SULF1: variants seen among roughly 807,000 people sequenced by gnomAD.
SULF1 encodes extracellular sulfatase Sulf-1.
SULF1 carries 46 observed loss-of-function variants against 110.5 expected under a neutral mutation model. That is an observed-to-expected ratio of 0.42 (90% CI 0.33 to 0.53). SULF1 has a LOEUF of 0.53. SULF1 is among the 20% of genes least tolerant of loss of function. The pLI, the probability that SULF1 is intolerant of heterozygous loss-of-function variation, is 0.12. For synonymous variants in SULF1, 371 were observed against 387.1 expected, an observed-to-expected ratio of 0.96 and a Z score of 0.49; for missense variants, 941 against 1,094.2, an observed-to-expected ratio of 0.86 and a Z score of 1.98.
chr8:69,658,997 C>T lies in SULF1; in HGVS notation c.*462C>T, dbSNP rs1812932433. The T allele has an allele frequency of 2.2e-6, 1 of 457,482 alleles. No homozygotes were observed. Among genetic ancestry groups the T allele is most frequent in the South Asian group, 1.5e-5 (1 of 64,580 alleles). 28.3% of individuals were successfully genotyped at this position (457,482 alleles called of 1,614,324 possible). ...GAAAAATGGACGGGGCATGAAGAGA[C>T]TAATCATCTGGAAACCGATTTCAGT... On this transcript the variant is annotated 3_prime_UTR_variant, in exon 23 of 23. Transcript: ENST00000402687.
intron 6 of SULF1, among the ~76,000 whole-genome samples, chr8:69,582,705 A>G (rs999748512): frequency 1.4e-5 from 2 of 143,156 alleles, no homozygotes; most frequent in African/African-American, 2.5e-5. Context: ...AAAAAAAAAA[A>G]GGAAAGAAAA....
chr8:69,500,415 C>T (rs778807662), intron 2 of SULF1, among the ~76,000 whole-genome samples: 26 of 152,114 alleles, frequency 1.7e-4, no homozygotes, highest in Non-Finnish European at 3.1e-4. Context: ...CCTGGTATTC[C>T]GGCATCTCAT....
Position 69,586,503 on chromosome 8 carries a change from G to T in SULF1, c.559G>T (p.Ala187Ser). ...GIKEKHGFDY[A>S]KDYFTDLITN... Reference sequence around the variant, plus strand: ...CAAAGAAAAGCATGGATTTGATTATGCAAAGGTAATTTTCAGGCACTTTTA... The same window carrying T: ...CAAAGAAAAGCATGGATTTGATTATTCAAAGGTAATTTTCAGGCACTTTTA... Residue 187 changes from alanine to serine, a missense_variant, in exon 7 of 23, where the codon GCA becomes TCA. Around this residue, in one of 3 missense-constraint regions of SULF1, gnomAD observed 822 missense variants for 934.3 expected, o/e 0.88. Coordinates refer to ENST00000402687, the MANE Select transcript of SULF1 (RefSeq NM_001128205.2). 1 of 1,608,996 alleles carries T rather than the reference G, an allele frequency of 6.2e-7. No homozygotes were observed.
At chr8:69,512,114 A>G (rs1563483514) in intron 3 of SULF1, among the ~76,000 whole-genome samples, 1 of 152,204 alleles carries the variant, frequency 6.6e-6, no homozygotes, top group Non-Finnish European at 1.5e-5. Context: ...ACAACACTTT[A>G]TATTTAAAAT....
chr8:69,470,794 C>T (rs924644742), intron 1 of SULF1, among the ~76,000 whole-genome samples: 5 of 152,128 alleles, frequency 3.3e-5, no homozygotes, highest in East Asian at 1.9e-4. Flanking sequence ...TTATTTGGCC[C>T]GAACTTTCCA....
Position 69,638,748 on chromosome 8 carries a change from T to G in SULF1, c.2441T>G (p.Val814Gly). 6.2e-7 allele frequency: 1 copy of G among 1,614,102 alleles called. No individual in the cohort carries two copies. The highest frequency in any genetic ancestry group is 8.5e-7 in the Non-Finnish European group (1 of 1,180,014). ...NTDPYQLTNT[V>G]HTVERGILNQ... The stretch of plus-strand genomic sequence containing the variant: ...CTGCATTCACAGCTCACAAATACAG[T>G]GCACACGGTAGAACGAGGCATTTTG... Residue 814 changes from valine to glycine, a missense_variant, in exon 21 of 23, where the codon GTG (valine) becomes GGG (glycine). By Grantham distance (109) the Val-to-Gly change is moderately radical (BLOSUM62 -3). Transcript: ENST00000402687.
At chr8:69,521,444 A>G (rs1442063746) in intron 3 of SULF1, among the ~76,000 whole-genome samples, 1 of 152,194 alleles carries the variant, frequency 6.6e-6, no homozygotes, top group Non-Finnish European at 1.5e-5. Context: ...AGGATTTACA[A>G]GGAAAGACTC....
intron 11 of SULF1, 41 bp from the exon 12 acceptor site, chr8:69,603,559 C>A (rs181702276): frequency 1.3e-6 from 2 of 1,548,794 alleles, no homozygotes; most frequent in Non-Finnish European, 1.8e-6. Context: ...TTTGGAAAAA[C>A]GTCCAGATGC....
Position 69,554,535 on chromosome 8 carries a change from C to G in SULF1, c.-133-9004C>G, listed in dbSNP as rs140242690. ...AAGTATTTCCCAACTTCTGTCCAGC[C>G]AGTAAACTAACACAGATGTCATAAA... On this transcript the variant is annotated intron_variant, in intron 3 of 22. Transcript: ENST00000402687. Among the ~76,000 whole-genome samples the G allele has an allele frequency of 3.3e-5, 5 of 152,096 alleles. No individual in the cohort carries two copies. The East Asian group carries it at 9.7e-4, about 29-fold the overall frequency.
chr8:69,660,536 G>A lies in SULF1; in HGVS notation c.*2001G>A, dbSNP rs1409510784. 1 of 152,570 alleles carries A rather than the reference G, an allele frequency of 6.6e-6. No individual in the cohort carries two copies. Among genetic ancestry groups the A allele is most frequent in the African/African-American group, 2.4e-5 (1 of 41,428 alleles). 9.5% of individuals were successfully genotyped at this position (152,570 alleles called of 1,614,324 possible). A position where few individuals can be genotyped will look rare whatever the true frequency, so the allele number is the denominator to read the frequency against. Reference sequence around the variant, plus strand: ...GATGATGTGTTTTTGCTTACCCTAAGAGAGGTTTTCTTCTTATTTTTAGAT... The same window carrying A: ...GATGATGTGTTTTTGCTTACCCTAAAAGAGGTTTTCTTCTTATTTTTAGAT... On this transcript the variant is annotated 3_prime_UTR_variant, in exon 23 of 23. Coordinates refer to ENST00000402687, the MANE Select transcript of SULF1 (RefSeq NM_001128205.2).
intron 13 of SULF1, among the ~76,000 whole-genome samples, chr8:69,605,476 A>C (rs1415598303): frequency 6.6e-6 from 1 of 152,170 alleles, no homozygotes. Flanking sequence ...CAAATATTTC[A>C]TTAGAATAGA....
At chr8:69,596,527 T>C (rs1807344965) in intron 8 of SULF1, among the ~76,000 whole-genome samples, 1 of 152,166 alleles carries the variant, frequency 6.6e-6, no homozygotes, top group African/African-American at 2.4e-5. Context: ...CAGAAGCAGC[T>C]GGTATTTTAA....
intron 22 of SULF1, among the ~76,000 whole-genome samples, chr8:69,650,255 A>G (rs1812228812): frequency 6.7e-6 from 1 of 150,104 alleles, no homozygotes. Flanking sequence ...CCATCTCTCA[A>G]CCTCCCGAAT....
chr8:69,566,688 T>G (rs1815907867), intron 5 of SULF1, among the ~76,000 whole-genome samples: 2 of 152,076 alleles, frequency 1.3e-5, no homozygotes, highest in Admixed American at 1.3e-4. Flanking sequence ...CCGTCTGTAC[T>G]AACAGTACAA....
At position 69,499,210 on chromosome 8, in the gene SULF1, A is replaced by G. The variant is rs79852574; in HGVS notation, c.-228-2664A>G. Among the ~76,000 whole-genome samples, 1,475 of 152,332 alleles carry G rather than the reference A, an allele frequency of 9.7e-3. 15 individuals carry two copies. Among genetic ancestry groups the G allele is most frequent in the African/African-American group, 0.034 (1,401 of 41,568 alleles). On this transcript the variant is annotated intron_variant, in intron 2 of 22. Coordinates refer to ENST00000402687, the MANE Select transcript of SULF1 (RefSeq NM_001128205.2). Reference sequence around the variant, plus strand: ...ATGTTACTGAAATATGTACCCAAAAAGCTATGTATAAGTTGTTTTATGTTT... The same window carrying G: ...ATGTTACTGAAATATGTACCCAAAAGGCTATGTATAAGTTGTTTTATGTTT...
At chr8:69,602,644 G>A (rs576386949) in intron 10 of SULF1, among the ~76,000 whole-genome samples, 21 of 152,294 alleles carry the variant, frequency 1.4e-4, no homozygotes, top group South Asian at 2.1e-4. Context: ...CACATGTGCT[G>A]CTGCATCATA....
intron 22 of SULF1, among the ~76,000 whole-genome samples, chr8:69,653,409 C>G (rs1812502958): frequency 6.6e-6 from 1 of 152,092 alleles, no homozygotes; most frequent in South Asian, 2.1e-4. Flanking sequence ...AAAATATTTA[C>G]CAGTTTATTA....
At chr8:69,474,637 ATGTAATATTTTTTACT>A (rs1809227738) in intron 1 of SULF1, among the ~76,000 whole-genome samples, 1 of 152,226 alleles carries the variant, frequency 6.6e-6, no homozygotes, top group South Asian at 2.1e-4. Flanking sequence ...AGCATAGGAC[ATGTAATATTTTTTACT>A]TGGGATGCCT....
chr8:69,486,161 A>G (rs1809697647), intron 1 of SULF1, among the ~76,000 whole-genome samples: 1 of 152,184 alleles, frequency 6.6e-6, no homozygotes, highest in African/African-American at 2.4e-5. Context: ...AATACTGAAC[A>G]AGTGCTTAAG....
Sources: allele counts gnomAD v4.1 joint callset (sites outside exome capture counted in the v4.1 genomes callset), GRCh38; gene constraint gnomAD v4.1.1; regional missense constraint gnomAD v4.1.1; transcripts MANE v1.5; gene names NCBI Gene and HGNC (gene_info 2026-07-23, HGNC 2026-07-21).